Variants in TECTB observed in about 807,000 individuals in gnomAD.
The protein encoded by TECTB is beta-tectorin.
A neutral mutation model predicts 43.3 loss-of-function variants in TECTB; 45 were observed. The ratio of observed to expected loss-of-function variants is 1.04; its 90% CI spans 0.82 to 1.33. The LOEUF (loss-of-function observed/expected upper bound fraction) is 1.33, where lower values mean the gene tolerates loss of function less well. Ranked by LOEUF, TECTB falls within the 40% of genes most tolerant of loss-of-function variation. The pLI, the probability that TECTB is intolerant of heterozygous loss-of-function variation, is 0.00. For synonymous variants in TECTB, 169 were observed against 156.7 expected (o/e 1.08, Z -0.59); for missense variants, 399 against 404.7 (o/e 0.99, Z 0.12).
Position 112,293,700 on chromosome 10 carries a change from G to A in TECTB, c.484-38G>A. On this transcript the variant is annotated intron_variant, in intron 5 of 10. Coordinates refer to ENST00000646139, the MANE Select transcript of TECTB (RefSeq NM_058222.3). ...CCTGGTAGACCTAGCTGCTCAATCT[G>A]AGAGTTCATAATGCCCAGTGTCAAT... 1.9e-6 allele frequency: 3 copies of A among 1,584,900 alleles called. No homozygotes were observed. In the South Asian group the frequency reaches 3.3e-5, roughly 18 times the overall value.
rs1251633798 is a variant in TECTB at position 112,293,829 on chromosome 10, G to C, written c.575G>C (p.Gly192Ala). The C allele has an allele frequency of 6.2e-7, 1 of 1,614,052 alleles. No individual in the cohort carries two copies. The highest frequency in any genetic ancestry group is 8.5e-7 in the Non-Finnish European group (1 of 1,179,980). The change falls in exon 6 of 11, where the codon GGG becomes GCG. Residue 192 changes from glycine (G) to alanine (A), a missense_variant. Gly to Ala is a moderately conservative substitution (Grantham distance 60). Coordinates refer to ENST00000646139, the MANE Select transcript of TECTB (RefSeq NM_058222.3). ...SDLFAGVEAKGLSIRFKVVLN... is the reference protein window; with the variant it reads ...SDLFAGVEAKALSIRFKVVLN... The stretch of plus-strand genomic sequence containing the variant: ...CTGTTTGCAGGAGTGGAAGCCAAAG[G>C]GTTAAGCATTAGGTAAGTACATTTC...
chr10:112,300,634 C>T (rs2133359005), intron 9 of TECTB, among the ~76,000 whole-genome samples: 1 of 152,266 alleles, frequency 6.6e-6, no homozygotes, highest in African/African-American at 2.4e-5. Context: ...CCGAATGCTC[C>T]CAAATCTGAA....
At chr10:112,284,141 CT>C (rs1481182631) in intron 2 of TECTB, among the ~76,000 whole-genome samples, 1 of 151,994 alleles carries the variant, frequency 6.6e-6, no homozygotes, top group Non-Finnish European at 1.5e-5. Context: ...ATCTTGTGCC[CT>C]AAATCAGTAT....
In TECTB at chr10:112,293,847, T is replaced by G; in HGVS notation, c.587+6T>G. 6.2e-7 allele frequency: 1 copy of G among 1,613,554 alleles called. No individual in the cohort carries two copies. Among genetic ancestry groups the G allele is most frequent in the Non-Finnish European group, 8.5e-7 (1 of 1,179,428 alleles). On this transcript the variant is annotated splice_donor_region_variant and intron_variant, in intron 6 of 10. Coordinates refer to ENST00000646139, the MANE Select transcript of TECTB (RefSeq NM_058222.3). The stretch of plus-strand genomic sequence containing the variant: ...GCCAAAGGGTTAAGCATTAGGTAAG[T>G]ACATTTCCTCCAAGTTTATATGTTT...
At chr10:112,286,429 C>T in intron 5 of TECTB, 38 bp downstream of exon 5, 1 of 1,524,122 alleles carries the variant, frequency 6.6e-7, no homozygotes, top group Non-Finnish European at 9.0e-7. Context: ...TCCCTGTGGC[C>T]TTTCCTTTCT....
rs553230862 is a variant in TECTB, at chr10:112,304,709, C to T, written c.*1397C>T. On this transcript the variant is annotated 3_prime_UTR_variant, in exon 11 of 11. Transcript: ENST00000646139. ...GAGATTAAACTAGTTATGAAATCTC[C>T]GGATACATGAAGTGTATGTTTGTTT... 3.3e-5 allele frequency: 5 copies of T among 152,270 alleles called. No individual in the cohort carries two copies. Among genetic ancestry groups the T allele is most frequent in the African/African-American group, 7.2e-5 (3 of 41,556 alleles). The allele number at this position is 152,270 out of a possible 1,614,324, so 9.4% of individuals were successfully genotyped here.
At position 112,304,149 on chromosome 10, in the gene TECTB, C is replaced by G. The variant is rs12255043; in HGVS notation, c.*837C>G. On this transcript the variant is annotated 3_prime_UTR_variant, in exon 11 of 11. Transcript: ENST00000646139. ...CTGGAAACATGACTATAAAGTGACT[C>G]CAATGACACAAGTGCTGTGAGTTTG... The G allele has an allele frequency of 6.6e-6, 1 of 152,202 alleles. No homozygotes were observed. Among genetic ancestry groups the G allele is most frequent in the Admixed American group, 6.5e-5 (1 of 15,282 alleles). 9.4% of individuals were successfully genotyped at this position (152,202 alleles called of 1,614,324 possible).
intron 10 of TECTB, chr10:112,302,566 G>A: frequency 7.7e-6 from 3 of 388,278 alleles, no homozygotes; most frequent in African/African-American, 6.2e-5. Flanking sequence ...TGTGAAATTG[G>A]GCTAATAATT....
chr10:112,284,466 C>A, intron 2 of TECTB, 69 bp from the exon 3 acceptor site: 1 of 1,415,228 alleles, frequency 7.1e-7, no homozygotes, highest in Admixed American at 2.4e-5. Flanking sequence ...TAGCTGGAAT[C>A]CACTGTTCGT....
chr10:112,296,747 C>T (rs1418344308), intron 7 of TECTB, among the ~76,000 whole-genome samples: 3 of 152,088 alleles, frequency 2.0e-5, no homozygotes, highest in East Asian at 1.9e-4. Context: ...TTTAGCTTGG[C>T]CCCCCGTTGT....
Position 112,301,265 on chromosome 10 carries a change from G to A in TECTB, c.908-836G>A, listed in dbSNP as rs141935213. On this transcript the variant is annotated intron_variant, in intron 9 of 10. Coordinates refer to ENST00000646139, the MANE Select transcript of TECTB (RefSeq NM_058222.3). ...CCCTACTAGAATACAAAAATTATCCGGGAGTGGTGGTGCACACTTGTAGTC... is the reference window on the plus strand; with the variant it reads ...CCCTACTAGAATACAAAAATTATCCAGGAGTGGTGGTGCACACTTGTAGTC... 7.3e-3 allele frequency among the ~76,000 whole-genome samples: 1,112 copies of A among 152,184 alleles called. 8 individuals carry two copies. The highest frequency in any genetic ancestry group is 0.012 in the Non-Finnish European group (846 of 68,006).
Position 112,304,271 on chromosome 10 carries a change from A to G in TECTB, c.*959A>G, listed in dbSNP as rs1242953479. 1 of 152,224 alleles carries G rather than the reference A, an allele frequency of 6.6e-6. No homozygotes were observed. The highest frequency in any genetic ancestry group is 1.5e-5 in the Non-Finnish European group (1 of 68,040). The allele number at this position is 152,224 out of a possible 1,614,324, so 9.4% of individuals were successfully genotyped here. ...GTTTTCATTTATAAGAAATGGTCTGATCTCATTTAGCTTTTACTTAAACAT... is the reference window on the plus strand; with the variant it reads ...GTTTTCATTTATAAGAAATGGTCTGGTCTCATTTAGCTTTTACTTAAACAT... On this transcript the variant is annotated 3_prime_UTR_variant, in exon 11 of 11. Transcript: ENST00000646139.
In TECTB at chr10:112,284,178, CATTTAA is replaced by C. The variant is rs541871940; in HGVS notation, c.77-355_77-350del. Among the ~76,000 whole-genome samples the C allele has an allele frequency of 1.2e-4, 19 of 152,176 alleles. No individual in the cohort carries two copies. In the East Asian group the frequency reaches 3.7e-3, roughly 29 times the overall value. On this transcript the variant is annotated intron_variant, in intron 2 of 10. Transcript: ENST00000646139. ...TTCACAATATTATGCATGAAATTGA[CATTTAA>C]AATGTTTAAATTATGTGCTCATTGT...
intron 5 of TECTB, 22 bp from the exon 6 acceptor site, chr10:112,293,716 C>G: frequency 1.2e-6 from 2 of 1,603,440 alleles, no homozygotes; most frequent in Non-Finnish European, 1.7e-6. Flanking sequence ...TCATAATGCC[C>G]AGTGTCAATT....
At chr10:112,284,407 G>A in intron 2 of TECTB, 128 bp from the exon 3 acceptor site, 1 of 874,960 alleles carries the variant, frequency 1.1e-6, no homozygotes, top group Non-Finnish European at 1.6e-6. Context: ...AGCTGGTGAG[G>A]AATAGCAGGG....
intron 10 of TECTB, chr10:112,302,738 C>G (rs1294937175): frequency 1.7e-5 from 3 of 179,476 alleles, no homozygotes; most frequent in African/African-American, 7.1e-5. Context: ...AGACAAGGCC[C>G]CTTCCCTTGC....
At chr10:112,291,364 A>AATGT (rs1273688273) in intron 5 of TECTB, among the ~76,000 whole-genome samples, 10 of 152,180 alleles carry the variant, frequency 6.6e-5, no homozygotes, top group African/African-American at 2.4e-4. Context: ...TACCCAAAAG[A>AATGT]ATGTATATCA....
intron 9 of TECTB, among the ~76,000 whole-genome samples, chr10:112,300,162 C>CA (rs1306586232): frequency 0.082 from 3,288 of 39,920 alleles, 182 homozygotes; most frequent in African/African-American, 0.21. Flanking sequence ...AACTCCGTCT[C>CA]AAAAAAAAAA....
chr10:112,298,302 T>A, intron 8 of TECTB, 71 bp downstream of exon 8: 1 of 1,546,224 alleles, frequency 6.5e-7, no homozygotes. Flanking sequence ...GGAGTTTGAG[T>A]GGGGAGATCA....
Sources: allele counts gnomAD v4.1 joint callset (sites outside exome capture counted in the v4.1 genomes callset), GRCh38; gene constraint gnomAD v4.1.1; transcripts MANE v1.5; gene names NCBI Gene and HGNC (gene_info 2026-07-23, HGNC 2026-07-21).